Variants in ZNF804B observed in about 807,000 individuals in gnomAD.
The protein encoded by ZNF804B is zinc finger 804B.
ZNF804B carries 80 observed loss-of-function variants against 101.4 expected under a neutral mutation model. That is an observed-to-expected ratio of 0.79 (90% CI 0.66 to 0.95). The LOEUF (loss-of-function observed/expected upper bound fraction) is 0.95, where lower values mean the gene tolerates loss of function less well. ZNF804B is among the 40% of genes least tolerant of loss of function. ZNF804B has a pLI of 0.00. For synonymous variants in ZNF804B, 622 were observed against 558.8 expected (o/e 1.11, Z -1.59); for missense variants, 1,673 against 1,561.9 (o/e 1.07, Z -1.20).
intron 2 of ZNF804B, among the ~76,000 whole-genome samples, chr7:89,315,165 C>T (rs1021118977): frequency 2.0e-5 from 3 of 151,990 alleles, no homozygotes; most frequent in African/African-American, 4.8e-5. Flanking sequence ...CAAGGCGGGG[C>T]GGAGGTGCTA....
intron 1 of ZNF804B, among the ~76,000 whole-genome samples, chr7:88,990,380 A>AT (rs1382183193): frequency 3.3e-5 from 5 of 152,128 alleles, no homozygotes; most frequent in Admixed American, 3.3e-4. Context: ...ATACACACAC[A>AT]TACTTTCTCT....
chr7:88,843,104 T>A (rs1015180430), intron 1 of ZNF804B, among the ~76,000 whole-genome samples: 6 of 152,292 alleles, frequency 3.9e-5, no homozygotes, highest in Admixed American at 3.3e-4. Flanking sequence ...TGAGGAATGC[T>A]TTGTAGTAGA....
At chr7:88,955,451 G>T (rs1203931557) in intron 1 of ZNF804B, among the ~76,000 whole-genome samples, 1 of 151,624 alleles carries the variant, frequency 6.6e-6, no homozygotes, top group African/African-American at 2.4e-5. Context: ...GCAAGCCTTT[G>T]TCTTAGGAAC....
rs545064730 is a variant in ZNF804B, at chr7:88,920,885, T to C, written c.108+160801T>C. On this transcript the variant is annotated intron_variant, in intron 1 of 3. Transcript: ENST00000333190. ...GCAGAGACTTTATAACCTAAAGTCA[T>C]GAGTTATGTAAGTATTTGCGTGCAA... Among the ~76,000 whole-genome samples the C allele has an allele frequency of 5.3e-5, 8 of 152,152 alleles. No homozygotes were observed. In the East Asian group the frequency reaches 1.5e-3, roughly 29 times the overall value.
At chr7:89,054,728 T>C (rs1189981366) in intron 1 of ZNF804B, among the ~76,000 whole-genome samples, 1 of 152,092 alleles carries the variant, frequency 6.6e-6, no homozygotes, top group African/African-American at 2.4e-5. Context: ...TTATTTATTT[T>C]TGGAGTGGAG....
intron 2 of ZNF804B, among the ~76,000 whole-genome samples, chr7:89,228,461 C>T (rs1477437703): frequency 6.6e-6 from 1 of 152,002 alleles, no homozygotes; most frequent in Non-Finnish European, 1.5e-5. Flanking sequence ...GGTTCTCCAC[C>T]TCCCCACCAG....
chr7:89,216,919 A>G (rs1445888552), intron 1 of ZNF804B, among the ~76,000 whole-genome samples: 1 of 152,198 alleles, frequency 6.6e-6, no homozygotes, highest in Non-Finnish European at 1.5e-5. Flanking sequence ...TGGTATTCTC[A>G]AAGTGCCAGT....
chr7:88,774,958 A>G (rs1790119910), intron 1 of ZNF804B, among the ~76,000 whole-genome samples: 1 of 152,214 alleles, frequency 6.6e-6, no homozygotes, highest in African/African-American at 2.4e-5. Flanking sequence ...GGTGGAATTC[A>G]GATAGTAAGT....
At chr7:88,979,103 T>G (rs2116128545) in intron 1 of ZNF804B, among the ~76,000 whole-genome samples, 1 of 152,076 alleles carries the variant, frequency 6.6e-6, no homozygotes, top group African/African-American at 2.4e-5. Context: ...CTTTTAAACA[T>G]TTATTGGTTC....
At position 88,976,243 on chromosome 7, in the gene ZNF804B, G is replaced by A. The variant is rs549236773; in HGVS notation, c.108+216159G>A. On this transcript the variant is annotated intron_variant, in intron 1 of 3. Coordinates refer to ENST00000333190, the MANE Select transcript of ZNF804B (RefSeq NM_181646.5). ...GGCTTTGGATATTCTGTTTTTTATG[G>A]TCCTATAACAATTTTAGGATTATTT... is the stretch of plus-strand genomic sequence containing the variant. 3.0e-4 allele frequency among the ~76,000 whole-genome samples: 45 copies of A among 151,582 alleles called. 1 individual carries two copies. The Middle Eastern group carries it at 0.027, about 92-fold the overall frequency.
chr7:89,082,194 G>A (rs1270379536), intron 1 of ZNF804B, among the ~76,000 whole-genome samples: 1 of 151,386 alleles, frequency 6.6e-6, no homozygotes, highest in Non-Finnish European at 1.5e-5. Flanking sequence ...CTGATGAAAG[G>A]GAACAAATGC....
At chr7:89,152,787 T>A (rs1353703010) in intron 1 of ZNF804B, among the ~76,000 whole-genome samples, 1 of 152,146 alleles carries the variant, frequency 6.6e-6, no homozygotes, top group East Asian at 1.9e-4. Context: ...TTATTATCAC[T>A]GCAAATTGAC....
intron 1 of ZNF804B, among the ~76,000 whole-genome samples, chr7:89,204,887 G>C (rs943379191): frequency 1.3e-5 from 2 of 152,040 alleles, no homozygotes; most frequent in African/African-American, 4.8e-5. Context: ...ATTATTATTT[G>C]GCATTGTGTG....
At chr7:89,180,280 G>A (rs1788279760) in intron 1 of ZNF804B, among the ~76,000 whole-genome samples, 2 of 152,134 alleles carry the variant, frequency 1.3e-5, no homozygotes, top group African/African-American at 4.8e-5. Context: ...TAGAAATGCT[G>A]TCTGATAGCT....
chr7:88,813,348 C>G (rs1442248849), intron 1 of ZNF804B, among the ~76,000 whole-genome samples: 1 of 150,678 alleles, frequency 6.6e-6, no homozygotes, highest in Non-Finnish European at 1.5e-5. Context: ...AATGGCGAAC[C>G]TGGGAGGCGG....
intron 2 of ZNF804B, among the ~76,000 whole-genome samples, chr7:89,262,774 T>A (rs1789729594): frequency 1.3e-5 from 2 of 152,202 alleles, no homozygotes; most frequent in African/African-American, 2.4e-5. Flanking sequence ...TCATTATACT[T>A]TTATATTTCA....
chr7:88,830,251 A>G (rs1175806050), intron 1 of ZNF804B, among the ~76,000 whole-genome samples: 1 of 152,146 alleles, frequency 6.6e-6, no homozygotes, highest in Non-Finnish European at 1.5e-5. Flanking sequence ...TATGTTGATC[A>G]AATTAGCCAG....
At chr7:88,877,062 T>TGAAAAAAAAAATA (rs1583992424) in intron 1 of ZNF804B, among the ~76,000 whole-genome samples, 1 of 63,154 alleles carries the variant, frequency 1.6e-5, no homozygotes, top group Non-Finnish European at 2.9e-5. Flanking sequence ...TTTTTTTTTT[T>TGAAAAAAAAAATA]TTTTTTTTTT....
chr7:89,297,276 G>A (rs1186910925), intron 2 of ZNF804B, among the ~76,000 whole-genome samples: 3 of 152,016 alleles, frequency 2.0e-5, no homozygotes, highest in African/African-American at 7.2e-5. Context: ...GTGTTTTTAT[G>A]TTGATGAAAT....
Sources: allele counts gnomAD v4.1 joint callset (sites outside exome capture counted in the v4.1 genomes callset), GRCh38; gene constraint gnomAD v4.1.1; transcripts MANE v1.5; gene names NCBI Gene and HGNC (gene_info 2026-07-23, HGNC 2026-07-21).